Variants in ZNF782 observed in about 807,000 individuals in gnomAD.
The protein encoded by ZNF782 is zinc finger protein 782.
ZNF782 carries 12 observed loss-of-function variants against 13.0 expected under a neutral mutation model. The ratio of observed to expected loss-of-function variants is 0.92; its 90% CI spans 0.59 to 1.50. The LOEUF (loss-of-function observed/expected upper bound fraction) is 1.50, where lower values mean the gene tolerates loss of function less well. Among genes scored for constraint, ZNF782 ranks in the 40% most tolerant of loss-of-function variants. The probability of loss-of-function intolerance (pLI) is 0.00; values close to 1 mark genes in which losing one functional copy is unlikely to be tolerated. For synonymous variants in ZNF782, 284 were observed against 283.0 expected (o/e 1.00, Z -0.04); for missense variants, 770 against 822.9 (o/e 0.94, Z 0.79).
intron 3 of ZNF782, among the ~76,000 whole-genome samples, chr9:96,847,866 C>A (rs1173677573): frequency 6.6e-6 from 1 of 151,942 alleles, no homozygotes; most frequent in Non-Finnish European, 1.5e-5. Context: ...AAGGACACAA[C>A]AAAAAAGGAA....
intron 5 of ZNF782, among the ~76,000 whole-genome samples, chr9:96,824,492 CACAAG>C (rs1425048542): frequency 3.3e-5 from 5 of 151,896 alleles, no homozygotes; most frequent in African/African-American, 1.2e-4. Flanking sequence ...TGAAAACTGG[CACAAG>C]ACAAGGATGA....
chr9:96,838,670 T>C (rs1172111626), intron 4 of ZNF782, among the ~76,000 whole-genome samples: 1 of 152,118 alleles, frequency 6.6e-6, no homozygotes, highest in Non-Finnish European at 1.5e-5. Context: ...CTGAAATTAA[T>C]AGTTATTTCA....
the ZNF782 span, among the ~76,000 whole-genome samples, chr9:96,905,652 C>T: frequency 2.6e-5 from 4 of 151,902 alleles, no homozygotes; most frequent in African/African-American, 9.7e-5. Context: ...GTGGCGCGAT[C>T]TTGGCTCACT....
chr9:96,923,669 ACATT>A, the ZNF782 span, among the ~76,000 whole-genome samples: 1 of 131,240 alleles, frequency 7.6e-6, no homozygotes. Flanking sequence ...CAAATCCCCA[ACATT>A]CATTTCAGAA....
At chr9:96,879,069 TATTC>T (rs750633059), upstream of ZNF782, among the ~76,000 whole-genome samples, 8 of 152,350 alleles carry the variant, frequency 5.3e-5, no homozygotes, top group Middle Eastern at 3.4e-3. Context: ...TCCAAACATA[TATTC>T]ATTCAACAGA....
chr9:96,931,803 C>G, the ZNF782 span: 1 of 1,611,766 alleles, frequency 6.2e-7, no homozygotes. Flanking sequence ...TTTGCCACAC[C>G]CTCTCCCGGC....
chr9:96,885,268 TAG>T, the ZNF782 span, among the ~76,000 whole-genome samples: 1 of 151,462 alleles, frequency 6.6e-6, no homozygotes, highest in Non-Finnish European at 1.5e-5. Flanking sequence ...AGTAAAAAAA[TAG>T]AAAATTTCAC....
chr9:96,846,738 T>C (rs1163617436), intron 3 of ZNF782, among the ~76,000 whole-genome samples: 5 of 152,024 alleles, frequency 3.3e-5, no homozygotes, highest in South Asian at 2.1e-4. Flanking sequence ...AGCAATACAA[T>C]AATAGTGGGA....
chr9:96,857,670 C>G (rs79040388), upstream of ZNF782, among the ~76,000 whole-genome samples: 1,853 of 152,266 alleles, frequency 0.012, 105 homozygotes, highest in Admixed American at 0.099. Flanking sequence ...ACTGCAGGCT[C>G]TCTGAGAACA....
chr9:96,828,283 T>A (rs1473133291), intron 4 of ZNF782, among the ~76,000 whole-genome samples: 2 of 152,136 alleles, frequency 1.3e-5, no homozygotes, highest in African/African-American at 2.4e-5. Flanking sequence ...AGGGGCCAAA[T>A]TAGTTCTAAA....
chr9:96,878,617 C>T (rs558524243), upstream of ZNF782, among the ~76,000 whole-genome samples: 50 of 152,248 alleles, frequency 3.3e-4, no homozygotes, highest in Non-Finnish European at 6.6e-4. Flanking sequence ...GTTATCTGAT[C>T]AGGCTATAGA....
chr9:96,844,267 A>T (rs766999917), intron 4 of ZNF782, among the ~76,000 whole-genome samples: 1 of 152,224 alleles, frequency 6.6e-6, no homozygotes, highest in African/African-American at 2.4e-5. Flanking sequence ...ATGAAAACAT[A>T]TGTTGACACA....
chr9:96,865,481 G>T (rs892064063), intron 1 of ZNF782, among the ~76,000 whole-genome samples: 1 of 152,180 alleles, frequency 6.6e-6, no homozygotes, highest in African/African-American at 2.4e-5. Context: ...TGATTGTGAG[G>T]TCTCCCCAGC....
intron 5 of ZNF782, among the ~76,000 whole-genome samples, chr9:96,821,735 G>A (rs1049464215): frequency 6.0e-5 from 9 of 150,070 alleles, no homozygotes; most frequent in African/African-American, 1.5e-4. Flanking sequence ...GCAGTGGTGC[G>A]ATCTCGGCTC....
intron 3 of ZNF782, among the ~76,000 whole-genome samples, chr9:96,859,924 T>A (rs892916006): frequency 6.6e-6 from 1 of 152,110 alleles, no homozygotes; most frequent in African/African-American, 2.4e-5. Context: ...CCAGACAGCA[T>A]TCACCACAAG....
At position 96,841,560 on chromosome 9, in the gene ZNF782, C is replaced by T. The variant is rs138070024; in HGVS notation, c.142+3330G>A. 9.3e-3 allele frequency among the ~76,000 whole-genome samples: 1,415 copies of T among 151,940 alleles called. 15 individuals carry two copies. The highest frequency in any genetic ancestry group is 0.041 in the Middle Eastern group (12 of 294). On this transcript the variant is annotated intron_variant, in intron 4 of 5. Transcript: ENST00000481138. ...TAAGGTTTATTCCAAGTATATAAGGCTGGTTCAATATTTGAAAACTAGTCA... is the reference window on the plus strand; with the variant it reads ...TAAGGTTTATTCCAAGTATATAAGGTTGGTTCAATATTTGAAAACTAGTCA...
At chr9:96,856,396 A>C (rs1189776719), upstream of ZNF782, among the ~76,000 whole-genome samples, 1 of 152,250 alleles carries the variant, frequency 6.6e-6, no homozygotes, top group Non-Finnish European at 1.5e-5. Flanking sequence ...CTAAGCTACC[A>C]ACCTCAAAAA....
chr9:96,862,807 G>A (rs1851717162), intron 1 of ZNF782, among the ~76,000 whole-genome samples: 1 of 152,190 alleles, frequency 6.6e-6, no homozygotes, highest in African/African-American at 2.4e-5. Flanking sequence ...CTGGTTTCTT[G>A]AAGGAAGCAA....
the ZNF782 span, among the ~76,000 whole-genome samples, chr9:96,886,368 C>A: frequency 0.08 from 12,134 of 152,146 alleles, 1,482 homozygotes; most frequent in African/African-American, 0.27. Context: ...GACTATCCAA[C>A]CTCTCATGAG....
Sources: gnomAD v4.1 joint callset for allele counts (sites outside exome capture counted in the v4.1 genomes callset) on GRCh38, gnomAD v4.1.1 for gene constraint, MANE v1.5 for transcripts, NCBI Gene and HGNC (gene_info 2026-07-23, HGNC 2026-07-21) for gene names.